Variants in RALGAPA1 observed in about 807,000 individuals in gnomAD.
RALGAPA1 encodes ral GTPase-activating protein subunit alpha-1.
RALGAPA1 carries 52 observed loss-of-function variants against 269.6 expected under a neutral mutation model. The ratio of observed to expected loss-of-function variants is 0.19; its 90% CI spans 0.15 to 0.24. RALGAPA1 has a LOEUF of 0.24. Ranked by LOEUF, RALGAPA1 falls within the 10% of genes least tolerant of loss-of-function variation. The probability of loss-of-function intolerance (pLI) is 1.00; values close to 1 mark genes in which losing one functional copy is unlikely to be tolerated. For missense variants in RALGAPA1, 1,917 were observed against 3,013.9 expected (o/e 0.64, Z 8.52); for synonymous variants, 817 against 1,008.3 (o/e 0.81, Z 3.60).
At chr14:35,711,998 G>A (rs1466400321) in intron 16 of RALGAPA1, among the ~76,000 whole-genome samples, 6 of 152,132 alleles carry the variant, frequency 3.9e-5, no homozygotes, top group Admixed American at 6.5e-5. Flanking sequence ...TATAATCCCA[G>A]CACTTTGGGA....
intron 21 of RALGAPA1, among the ~76,000 whole-genome samples, chr14:35,679,441 T>A (rs2065226421): frequency 6.6e-6 from 1 of 152,222 alleles, no homozygotes; most frequent in South Asian, 2.1e-4. Context: ...CTGAACATCA[T>A]AGCTTAGCCT....
In RALGAPA1 at chr14:35,792,597, A is replaced by G. The variant is rs558640696; in HGVS notation, c.106+16133T>C. Among the ~76,000 whole-genome samples the G allele has an allele frequency of 5.3e-5, 8 of 152,002 alleles. No individual in the cohort carries two copies. In the South Asian group the frequency reaches 1.5e-3, roughly 28 times the overall value. ...CCAGAGTTCAAAACCAGCCTGGCCA[A>G]CGTGGCGAAACCCCATCTCTATTAA... On this transcript the variant is annotated intron_variant, in intron 1 of 41. Coordinates refer to ENST00000680220, the MANE Select transcript of RALGAPA1 (RefSeq NM_001346249.2).
intron 39 of RALGAPA1, among the ~76,000 whole-genome samples, chr14:35,567,244 A>G (rs1357561647): frequency 6.6e-6 from 1 of 152,096 alleles, no homozygotes; most frequent in Admixed American, 6.5e-5. Context: ...TATTAAAAAC[A>G]TGATGAAGTA....
intron 36 of RALGAPA1, among the ~76,000 whole-genome samples, chr14:35,596,846 A>G (rs536343257): frequency 6.6e-5 from 10 of 152,326 alleles, no homozygotes; most frequent in Middle Eastern, 3.4e-3. Context: ...TATTATCTGC[A>G]TATATAATCA....
chr14:35,763,117 A>G (rs2073862359), intron 4 of RALGAPA1, among the ~76,000 whole-genome samples: 1 of 152,166 alleles, frequency 6.6e-6, no homozygotes, highest in South Asian at 2.1e-4. Context: ...AACCACATGA[A>G]CATCCTTAAC....
chr14:35,586,449 C>T (rs1447764253), intron 37 of RALGAPA1, among the ~76,000 whole-genome samples: 1 of 152,180 alleles, frequency 6.6e-6, no homozygotes, highest in Non-Finnish European at 1.5e-5. Flanking sequence ...ATTTCTTTCT[C>T]CTGCCTGATT....
intron 16 of RALGAPA1, among the ~76,000 whole-genome samples, chr14:35,716,547 A>G (rs2068846469): frequency 6.6e-6 from 1 of 152,102 alleles, no homozygotes; most frequent in Non-Finnish European, 1.5e-5. Flanking sequence ...CCTATATACC[A>G]TTATCACACC....
At chr14:35,644,489 AG>A (rs1036677707) in intron 31 of RALGAPA1, among the ~76,000 whole-genome samples, 6 of 152,244 alleles carry the variant, frequency 3.9e-5, no homozygotes, top group Non-Finnish European at 8.8e-5. Flanking sequence ...GAAGTGGGAA[AG>A]GGGGACTACG....
chr14:35,609,559 T>A (rs2059797790), intron 35 of RALGAPA1, among the ~76,000 whole-genome samples: 1 of 152,146 alleles, frequency 6.6e-6, no homozygotes, highest in Non-Finnish European at 1.5e-5. Flanking sequence ...TTAAAAAAGA[T>A]TTCATTCACC....
chr14:35,684,468 A>G (rs2065746770), intron 20 of RALGAPA1, among the ~76,000 whole-genome samples: 1 of 152,190 alleles, frequency 6.6e-6, no homozygotes, highest in African/African-American at 2.4e-5. Context: ...ACTCATAATC[A>G]TGACTGGCTT....
intron 17 of RALGAPA1, 69 bp downstream of exon 17, chr14:35,700,093 A>G (rs2067221644): frequency 3.6e-6 from 5 of 1,389,734 alleles, no homozygotes; most frequent in Non-Finnish European, 4.7e-6. Context: ...TATTTGATTA[A>G]GCAAAATTTG....
chr14:35,600,325 G>T (rs180695397), intron 36 of RALGAPA1, among the ~76,000 whole-genome samples: 1 of 145,430 alleles, frequency 6.9e-6, no homozygotes, highest in Admixed American at 7.0e-5. Flanking sequence ...CCACCTCCGG[G>T]ACTCAAGCAA....
At position 35,740,809 on chromosome 14, in the gene RALGAPA1, AAAT is replaced by A. The variant is rs930203276; in HGVS notation, c.1449+1556_1449+1558del. On this transcript the variant is annotated intron_variant, in intron 11 of 41. Transcript: ENST00000680220. Reference sequence around the variant, plus strand: ...GGCGACAGAGGAAAACCTTGTTTCAAAATAATAATAATAATAAATAAAATTAAA... The same window carrying A: ...GGCGACAGAGGAAAACCTTGTTTCAAAATAATAATAATAAATAAAATTAAA... 7.9e-5 allele frequency among the ~76,000 whole-genome samples: 12 copies of A among 152,262 alleles called. 1 individual carries two copies. The South Asian group carries it at 2.1e-3, about 26-fold the overall frequency.
In RALGAPA1 at chr14:35,560,561, A is replaced by G. The variant is rs188880759; in HGVS notation, c.7496+10056T>C. On this transcript the variant is annotated intron_variant, in intron 39 of 41. Transcript: ENST00000680220. ...TCACCTTTACCATCCTACTTGGTCT[A>G]TATCACTATTGCTGAATGACCCCAA... 5.3e-5 allele frequency among the ~76,000 whole-genome samples: 8 copies of G among 152,268 alleles called. No homozygotes were observed. The East Asian group carries it at 1.5e-3, about 29-fold the overall frequency.
intron 25 of RALGAPA1, among the ~76,000 whole-genome samples, chr14:35,672,128 A>G (rs543153447): frequency 2.0e-5 from 3 of 152,302 alleles, no homozygotes; most frequent in African/African-American, 7.2e-5. Context: ...AATAATTAAG[A>G]GAGTCATTTT....
At chr14:35,664,603 A>T (rs2063785606) in intron 27 of RALGAPA1, 39 bp downstream of exon 27, 3 of 1,511,310 alleles carry the variant, frequency 2.0e-6, no homozygotes, top group Middle Eastern at 2.3e-4. Context: ...ATGATTATAA[A>T]ATCATTTAAG....
intron 37 of RALGAPA1, among the ~76,000 whole-genome samples, chr14:35,573,097 T>C (rs776779509): frequency 2.2e-4 from 33 of 152,332 alleles, no homozygotes; most frequent in Non-Finnish European, 4.3e-4. Flanking sequence ...TGATTATGTT[T>C]CGTTTAACGA....
At chr14:35,545,800 A>G (rs2054402276) in intron 41 of RALGAPA1, among the ~76,000 whole-genome samples, 2 of 152,124 alleles carry the variant, frequency 1.3e-5, no homozygotes, top group Admixed American at 1.3e-4. Context: ...ATAATATTGA[A>G]AAGACAATAT....
intron 27 of RALGAPA1, among the ~76,000 whole-genome samples, chr14:35,660,052 C>A (rs559213136): frequency 2.0e-4 from 30 of 151,940 alleles, no homozygotes; most frequent in African/African-American, 7.2e-4. Context: ...CATAACAAGC[C>A]CATAGATAAC....
Sources: gnomAD v4.1 joint callset for allele counts (sites outside exome capture counted in the v4.1 genomes callset) on GRCh38, gnomAD v4.1.1 for gene constraint, MANE v1.5 for transcripts, NCBI Gene and HGNC (gene_info 2026-07-23, HGNC 2026-07-21) for gene names.